IL1R1: variants seen among roughly 807,000 people sequenced by gnomAD.
IL1R1 encodes interleukin 1 receptor type 1.
In IL1R1, 22 loss-of-function variants were observed where a neutral mutation model predicts 50.2. The ratio of observed to expected loss-of-function variants is 0.44; its 90% CI spans 0.31 to 0.63. The LOEUF (loss-of-function observed/expected upper bound fraction) is 0.63, where lower values mean the gene tolerates loss of function less well. Among genes scored for constraint, IL1R1 ranks in the 20% least tolerant of loss-of-function variants. The probability of loss-of-function intolerance (pLI) is 0.07; values close to 1 mark genes in which losing one functional copy is unlikely to be tolerated. For missense variants in IL1R1, 509 were observed against 676.2 expected (o/e 0.75, Z 2.74); for synonymous variants, 251 against 236.7 (o/e 1.06, Z -0.55).
intron 1 of IL1R1, among the ~76,000 whole-genome samples, chr2:102,072,755 G>A (rs1450854579): frequency 6.6e-6 from 1 of 151,928 alleles, no homozygotes; most frequent in Non-Finnish European, 1.5e-5. Context: ...TCATTGATTT[G>A]CCAAACTTAG....
chr2:102,076,077 A>C (rs974806680), intron 1 of IL1R1, among the ~76,000 whole-genome samples: 3 of 152,174 alleles, frequency 2.0e-5, no homozygotes, highest in Admixed American at 1.3e-4. Flanking sequence ...TGAGACCCAC[A>C]ATACATTTTT....
intron 1 of IL1R1, among the ~76,000 whole-genome samples, chr2:102,093,718 G>A (rs539227228): frequency 6.6e-6 from 1 of 152,236 alleles, no homozygotes; most frequent in African/African-American, 2.4e-5. Flanking sequence ...CTTTTTAAGA[G>A]TTCTTTACAT....
Position 102,082,700 on chromosome 2 carries a change from T to C in IL1R1, c.-84+12167T>C, listed in dbSNP as rs190501410. ...CCATAGTATTTCTCTTTCTCTCTCT[T>C]TTTTAAATATTTCAAGCGAGCATGC... On this transcript the variant is annotated intron_variant, in intron 1 of 11. Transcript: ENST00000409929. 1.1e-4 allele frequency among the ~76,000 whole-genome samples: 17 copies of C among 152,290 alleles called. No homozygotes were observed. In the East Asian group the frequency reaches 1.9e-3, roughly 17 times the overall value.
chr2:102,106,382 A>G (rs1231208004), intron 1 of IL1R1, among the ~76,000 whole-genome samples: 1 of 152,238 alleles, frequency 6.6e-6, no homozygotes, highest in African/African-American at 2.4e-5. Flanking sequence ...TGATCTGCCT[A>G]ATGGTAGTGA....
At chr2:102,125,583 G>T (rs1163278999) in intron 1 of IL1R1, among the ~76,000 whole-genome samples, 3 of 152,208 alleles carry the variant, frequency 2.0e-5, no homozygotes, top group African/African-American at 7.2e-5. Context: ...AAGGGAGAAA[G>T]AAACACAGAA....
At chr2:102,111,730 A>C (rs1424038974) in intron 1 of IL1R1, among the ~76,000 whole-genome samples, 1 of 152,184 alleles carries the variant, frequency 6.6e-6, no homozygotes, top group African/African-American at 2.4e-5. Context: ...CTGGACCAGA[A>C]CACGGGTAAC....
intron 1 of IL1R1, among the ~76,000 whole-genome samples, chr2:102,095,123 C>T (rs539411317): frequency 2.6e-5 from 4 of 152,322 alleles, no homozygotes; most frequent in South Asian, 2.1e-4. Context: ...TCCCCCAACA[C>T]GGTGTCCTTT....
intron 1 of IL1R1, among the ~76,000 whole-genome samples, chr2:102,073,426 T>C (rs546973327): frequency 6.6e-6 from 1 of 152,204 alleles, no homozygotes; most frequent in African/African-American, 2.4e-5. Flanking sequence ...CCCTGCAAAA[T>C]GGAATAGGAA....
intron 6 of IL1R1, among the ~76,000 whole-genome samples, chr2:102,167,081 T>A (rs940758204): frequency 6.6e-5 from 10 of 152,150 alleles, no homozygotes; most frequent in Admixed American, 5.2e-4. Context: ...CAATCAGAAC[T>A]TTTTTGCAGG....
rs776872699 is a variant in IL1R1, at chr2:102,174,695, A to G, written c.1100A>G (p.Tyr367Cys). The G allele has an allele frequency of 1.2e-6, 2 of 1,610,792 alleles. No homozygotes were observed. The highest frequency in any genetic ancestry group is 2.2e-5 in the South Asian group (2 of 90,250). ...TTCAAGATTGACATTGTGCTTTGGT[A>G]CAGGGATTCCTGCTATGATTTTCTC... Reference protein sequence around the residue: ...KIFKIDIVLWYRDSCYDFLPI... With the variant: ...KIFKIDIVLWCRDSCYDFLPI... Residue 367 changes from tyrosine (Y) to cysteine (C), a missense_variant, in exon 10 of 12, where the codon TAC (tyrosine) becomes TGC (cysteine). Transcript: ENST00000410023.
At chr2:102,075,413 G>A (rs1365308146) in intron 1 of IL1R1, among the ~76,000 whole-genome samples, 1 of 152,108 alleles carries the variant, frequency 6.6e-6, no homozygotes, top group Non-Finnish European at 1.5e-5. Context: ...GGGGAGCTAT[G>A]GTGATGCACA....
intron 1 of IL1R1, among the ~76,000 whole-genome samples, chr2:102,134,402 A>G (rs1160716595): frequency 3.3e-5 from 5 of 149,968 alleles, no homozygotes; most frequent in Admixed American, 3.3e-4. Context: ...TTTGAGACAG[A>G]ATTTCGCTCT....
At chr2:102,084,205 C>T (rs759025076) in intron 1 of IL1R1, among the ~76,000 whole-genome samples, 3 of 152,190 alleles carry the variant, frequency 2.0e-5, no homozygotes, top group Non-Finnish European at 2.9e-5. Flanking sequence ...AAATGAAGCT[C>T]AGTTAAACTA....
chr2:102,099,244 A>G (rs1215051329), intron 1 of IL1R1, among the ~76,000 whole-genome samples: 1 of 152,174 alleles, frequency 6.6e-6, no homozygotes, highest in Non-Finnish European at 1.5e-5. Flanking sequence ...CCTGTTTATA[A>G]CATTGATTTG....
At chr2:102,138,376 A>G (rs553111395), upstream of IL1R1, among the ~76,000 whole-genome samples, 1 of 152,344 alleles carries the variant, frequency 6.6e-6, no homozygotes, top group East Asian at 1.9e-4. Flanking sequence ...ATTAGCACAA[A>G]CAGTTGGCTG....
Position 102,176,554 on chromosome 2 carries a change from C to G in IL1R1, c.1505C>G (p.Ser502Trp). 6.2e-7 allele frequency: 1 copy of G among 1,614,116 alleles called. No individual in the cohort carries two copies. The highest frequency in any genetic ancestry group is 8.5e-7 in the Non-Finnish European group (1 of 1,180,006). The stretch of plus-strand genomic sequence containing the variant: ...CAAGACTATGAGAAAATGCCAGAAT[C>G]GATTAAATTCATTAAGCAGAAACAT... ...KIQDYEKMPE[S>W]IKFIKQKHGA... Residue 502 changes from serine (S) to tryptophan (W), a missense_variant, in exon 12 of 12, where the codon TCG (serine) becomes TGG (tryptophan). Ser to Trp is a radical substitution (Grantham distance 177). Coordinates refer to ENST00000410023, the MANE Select transcript of IL1R1 (RefSeq NM_000877.4).
intron 1 of IL1R1, among the ~76,000 whole-genome samples, chr2:102,111,188 T>C (rs1046322042): frequency 5.3e-5 from 8 of 152,192 alleles, no homozygotes; most frequent in African/African-American, 1.9e-4. Flanking sequence ...ACTGTAGTCA[T>C]GGGCTGGGGA....
At chr2:102,159,528 C>T (rs1684510146) in intron 3 of IL1R1, among the ~76,000 whole-genome samples, 2 of 152,192 alleles carry the variant, frequency 1.3e-5, no homozygotes, top group South Asian at 2.1e-4. Context: ...TCTGGGTTCC[C>T]CAGGAATGTG....
At chr2:102,088,177 A>G (rs1679508077) in intron 1 of IL1R1, among the ~76,000 whole-genome samples, 1 of 152,206 alleles carries the variant, frequency 6.6e-6, no homozygotes, top group African/African-American at 2.4e-5. Context: ...AGAATGGTGA[A>G]TCCTTTCCAG....
Sources: gnomAD v4.1 joint callset for allele counts (sites outside exome capture counted in the v4.1 genomes callset) on GRCh38, gnomAD v4.1.1 for gene constraint, MANE v1.5 for transcripts, NCBI Gene and HGNC (gene_info 2026-07-23, HGNC 2026-07-21) for gene names.